ZSWIM6: variants seen among roughly 807,000 people sequenced by gnomAD.
ZSWIM6 encodes zinc finger SWIM domain-containing protein 6.
ZSWIM6 carries 9 observed loss-of-function variants against 113.2 expected under a neutral mutation model. The ratio of observed to expected loss-of-function variants is 0.08; its 90% CI spans 0.05 to 0.14. The LOEUF is 0.14. Ranked by LOEUF, ZSWIM6 falls within the 10% of genes least tolerant of loss-of-function variation. The probability of loss-of-function intolerance (pLI) is 1.00; values close to 1 mark genes in which losing one functional copy is unlikely to be tolerated. For missense variants in ZSWIM6, 1,162 were observed against 1,552.2 expected (o/e 0.75, Z 4.22); for synonymous variants, 611 against 606.5 (o/e 1.01, Z -0.11).
intron 1 of ZSWIM6, among the ~76,000 whole-genome samples, chr5:61,462,641 G>A (rs1020335567): frequency 6.6e-6 from 1 of 152,124 alleles, no homozygotes; most frequent in Non-Finnish European, 1.5e-5. Context: ...AACGGGCTAG[G>A]GTTTTAGTGC....
intron 10 of ZSWIM6, among the ~76,000 whole-genome samples, chr5:61,536,250 C>T (rs1237619187): frequency 6.6e-6 from 1 of 152,204 alleles, no homozygotes; most frequent in Non-Finnish European, 1.5e-5. Context: ...CTACCACCCA[C>T]CTTTTTATTT....
chr5:61,396,116 C>T (rs970411019), intron 1 of ZSWIM6, among the ~76,000 whole-genome samples: 2 of 152,228 alleles, frequency 1.3e-5, no homozygotes, highest in African/African-American at 2.4e-5. Flanking sequence ...CTTCTACTTA[C>T]ACCAGCACTG....
chr5:61,354,663 A>G (rs1744861616), intron 1 of ZSWIM6, among the ~76,000 whole-genome samples: 1 of 152,200 alleles, frequency 6.6e-6, no homozygotes, highest in South Asian at 2.1e-4. Context: ...GTTGTTTGGT[A>G]TTAGAGGCTC....
rs143778942 is a variant in ZSWIM6 at position 61,402,230 on chromosome 5, TAAAG to T, written c.676+69285_676+69288del. Among the ~76,000 whole-genome samples, 6 of 152,296 alleles carry T rather than the reference TAAAG, an allele frequency of 3.9e-5. No individual in the cohort carries two copies. The East Asian group carries it at 1.2e-3, about 29-fold the overall frequency. On this transcript the variant is annotated intron_variant, in intron 1 of 13. Coordinates refer to ENST00000252744, the MANE Select transcript of ZSWIM6 (RefSeq NM_020928.2). ...AAATAGAGCACACATTCTGTAGAAT[TAAAG>T]AACCTTAGAAAAGATGACTATGAAA...
chr5:61,467,487 A>G (rs755542374), intron 1 of ZSWIM6, among the ~76,000 whole-genome samples: 1 of 152,222 alleles, frequency 6.6e-6, no homozygotes, highest in East Asian at 1.9e-4. Context: ...AAAACTAAAC[A>G]TACATTAATG....
chr5:61,422,738 T>G (rs929817440), intron 1 of ZSWIM6, among the ~76,000 whole-genome samples: 1 of 152,196 alleles, frequency 6.6e-6, no homozygotes, highest in Non-Finnish European at 1.5e-5. Flanking sequence ...CTTCTTTTAT[T>G]TTTTACATTA....
At chr5:61,459,203 C>G (rs76643767) in intron 1 of ZSWIM6, among the ~76,000 whole-genome samples, 9,109 of 152,164 alleles carry the variant, frequency 0.06, 897 homozygotes, top group African/African-American at 0.2. Context: ...ATAAGATAAT[C>G]ATTTTTCATA....
intron 8 of ZSWIM6, among the ~76,000 whole-genome samples, 194 bp from the exon 9 acceptor site, chr5:61,531,271 A>G (rs994959390): frequency 6.6e-6 from 1 of 152,224 alleles, no homozygotes; most frequent in Non-Finnish European, 1.5e-5. Context: ...CAAAACGTAA[A>G]CATTTAATCA....
chr5:61,544,402 T>A lies in ZSWIM6; in HGVS notation c.*85T>A. The A allele has an allele frequency of 1.1e-6, 1 of 945,984 alleles. No homozygotes were observed. Among genetic ancestry groups the A allele is most frequent in the Non-Finnish European group, 1.6e-6 (1 of 632,642 alleles). The allele number at this position is 945,984 out of a possible 1,614,324, so 58.6% of individuals were successfully genotyped here. A position where few individuals can be genotyped will look rare whatever the true frequency, so the allele number is the denominator to read the frequency against. ...AGCCTGCCTTTGTACCCTTTTTAAC[T>A]TAAAGAACAGAGCCACACCGGTATT... On this transcript the variant is annotated 3_prime_UTR_variant, in exon 14 of 14. Transcript: ENST00000252744.
Position 61,531,834 on chromosome 5 carries a change from A to T in ZSWIM6, c.2245+109A>T. On this transcript the variant is annotated intron_variant, in intron 9 of 13. Transcript: ENST00000252744. ...TGCATTTAATATGGTAGTTATCCTG[A>T]TTGCTATAGTCATGGGGTATCAAAG... The T allele has an allele frequency of 3.2e-6, 4 of 1,235,620 alleles. No homozygotes were observed. The South Asian group carries it at 6.0e-5, about 19-fold the overall frequency. The allele number at this position is 1,235,620 out of a possible 1,614,324, so 76.5% of individuals were successfully genotyped here. A position where few individuals can be genotyped will look rare whatever the true frequency, so the allele number is the denominator to read the frequency against.
intron 1 of ZSWIM6, among the ~76,000 whole-genome samples, chr5:61,453,251 C>T (rs994231421): frequency 1.3e-5 from 2 of 151,996 alleles, no homozygotes; most frequent in Non-Finnish European, 2.9e-5. Flanking sequence ...CTATGTACAA[C>T]GTGCTATTTT....
At chr5:61,484,779 G>C (rs1747970640) in intron 2 of ZSWIM6, among the ~76,000 whole-genome samples, 1 of 152,100 alleles carries the variant, frequency 6.6e-6, no homozygotes, top group African/African-American at 2.4e-5. Context: ...CTTTGCTTTA[G>C]GGTTGACAGC....
chr5:61,339,266 C>A (rs1007612091), intron 1 of ZSWIM6, among the ~76,000 whole-genome samples: 2 of 152,136 alleles, frequency 1.3e-5, no homozygotes, highest in Non-Finnish European at 2.9e-5. Context: ...ATTAGCCGGG[C>A]GTAGTGGTAC....
chr5:61,476,082 CTT>C (rs1747702208), intron 2 of ZSWIM6, among the ~76,000 whole-genome samples: 1 of 152,080 alleles, frequency 6.6e-6, no homozygotes, highest in African/African-American at 2.4e-5. Flanking sequence ...TTATCCAAAT[CTT>C]TTTTGGAAGA....
intron 2 of ZSWIM6, among the ~76,000 whole-genome samples, chr5:61,480,550 T>A (rs1447960158): frequency 6.6e-6 from 1 of 152,136 alleles, no homozygotes; most frequent in Non-Finnish European, 1.5e-5. Flanking sequence ...GGAGTGACCA[T>A]AGAGGATGGA....
At chr5:61,500,797 G>C (rs1057147884) in intron 4 of ZSWIM6, among the ~76,000 whole-genome samples, 2 of 152,166 alleles carry the variant, frequency 1.3e-5, no homozygotes, top group African/African-American at 4.8e-5. Context: ...AGAATACAGT[G>C]AAGTTTGTAT....
At chr5:61,523,189 C>T (rs1487126525) in intron 5 of ZSWIM6, among the ~76,000 whole-genome samples, 2 of 152,178 alleles carry the variant, frequency 1.3e-5, no homozygotes, top group Non-Finnish European at 2.9e-5. Context: ...AGTGCCCTTC[C>T]CTGTAAAGCT....
At chr5:61,402,079 A>G (rs1488635261) in intron 1 of ZSWIM6, among the ~76,000 whole-genome samples, 1 of 152,194 alleles carries the variant, frequency 6.6e-6, no homozygotes, top group Non-Finnish European at 1.5e-5. Context: ...GATATGGGAT[A>G]AAATTCAAGG....
chr5:61,355,102 C>T (rs1199154669), intron 1 of ZSWIM6, among the ~76,000 whole-genome samples: 5 of 152,066 alleles, frequency 3.3e-5, no homozygotes, highest in African/African-American at 9.7e-5. Flanking sequence ...TATCACAATT[C>T]TACTAGCCCC....
Sources: gnomAD v4.1 joint callset for allele counts (sites outside exome capture counted in the v4.1 genomes callset) on GRCh38, gnomAD v4.1.1 for gene constraint, MANE v1.5 for transcripts, NCBI Gene and HGNC (gene_info 2026-07-23, HGNC 2026-07-21) for gene names.